Variants in NFIA observed in about 807,000 individuals in gnomAD.
NFIA encodes the protein nuclear factor I A.
In NFIA, 8 loss-of-function variants were observed where a neutral mutation model predicts 62.8. The ratio of observed to expected loss-of-function variants is 0.13; its 90% confidence interval spans 0.07 to 0.23. The LOEUF (loss-of-function observed/expected upper bound fraction) is 0.23, where lower values mean the gene tolerates loss of function less well. Among genes scored for constraint, NFIA ranks in the 10% least tolerant of loss-of-function variants. The pLI, the probability that NFIA is intolerant of heterozygous loss-of-function variation, is 1.00. For missense variants in NFIA, 410 were observed against 642.1 expected, an observed-to-expected ratio of 0.64 and a Z score of 3.91; for synonymous variants, 235 against 238.1, an observed-to-expected ratio of 0.99 and a Z score of 0.12.
chr1:61,352,588 T>A, intron 5 of NFIA, 21 bp downstream of exon 5: 6 of 1,558,992 alleles, frequency 3.8e-6, no homozygotes, highest in Non-Finnish European at 5.3e-6. Context: ...TGGCAGCTCT[T>A]GAAGAAATTA....
At chr1:61,092,913 G>A (rs557025284) in intron 2 of NFIA, among the ~76,000 whole-genome samples, 1 of 152,200 alleles carries the variant, frequency 6.6e-6, no homozygotes, top group East Asian at 1.9e-4. Context: ...GCACATCCAG[G>A]CTGCACAGAG....
At chr1:61,431,021 T>C (rs1667078394) in intron 10 of NFIA, among the ~76,000 whole-genome samples, 1 of 152,158 alleles carries the variant, frequency 6.6e-6, no homozygotes, top group Non-Finnish European at 1.5e-5. Context: ...ACAGCTGATA[T>C]TAACATATAG....
At chr1:61,292,811 A>G (rs574709093) in intron 3 of NFIA, among the ~76,000 whole-genome samples, 2 of 152,332 alleles carry the variant, frequency 1.3e-5, no homozygotes, top group South Asian at 4.1e-4. Context: ...GGAAATCTAA[A>G]GCCTATCCCA....
intron 5 of NFIA, among the ~76,000 whole-genome samples, chr1:61,354,535 A>G (rs1662727570): frequency 6.6e-6 from 1 of 152,192 alleles, no homozygotes; most frequent in African/African-American, 2.4e-5. Flanking sequence ...GTTTTCATTT[A>G]AACAGTGGAG....
At chr1:61,153,866 C>T (rs967996752) in intron 2 of NFIA, among the ~76,000 whole-genome samples, 2 of 152,164 alleles carry the variant, frequency 1.3e-5, no homozygotes. Flanking sequence ...TTAGAGAGGG[C>T]TCTACAAAAC....
chr1:61,096,833 G>A (rs1355957588), intron 2 of NFIA, among the ~76,000 whole-genome samples: 1 of 151,976 alleles, frequency 6.6e-6, no homozygotes, highest in African/African-American at 2.4e-5. Context: ...TTACAGGCGT[G>A]AGCCACCGCG....
intron 2 of NFIA, among the ~76,000 whole-genome samples, chr1:61,173,181 G>A (rs886387698): frequency 2.0e-5 from 3 of 152,144 alleles, no homozygotes; most frequent in Admixed American, 1.3e-4. Context: ...AAAGTTCACT[G>A]CTTATCTAGG....
chr1:61,443,600 G>A (rs186020452), intron 10 of NFIA, among the ~76,000 whole-genome samples: 18 of 152,316 alleles, frequency 1.2e-4, no homozygotes, highest in Middle Eastern at 6.8e-3. Flanking sequence ...ATCAGGAAAG[G>A]ACTGCTCCAG....
chr1:61,213,267 G>C (rs528742044), intron 2 of NFIA, among the ~76,000 whole-genome samples: 2 of 152,176 alleles, frequency 1.3e-5, no homozygotes, highest in East Asian at 1.9e-4. Flanking sequence ...TGACAATTGA[G>C]TATCAGTCTT....
At chr1:61,203,724 T>TA (rs996458421) in intron 2 of NFIA, among the ~76,000 whole-genome samples, 1 of 152,206 alleles carries the variant, frequency 6.6e-6, no homozygotes, top group Admixed American at 6.5e-5. Context: ...CATGTTTTCT[T>TA]AAACACTGGG....
At position 61,178,677 on chromosome 1, in the gene NFIA, A is replaced by G. The variant is rs564510463; in HGVS notation, c.559+89997A>G. On this transcript the variant is annotated intron_variant, in intron 2 of 10. Transcript: ENST00000403491. ...GCATACTCTGTGCATAATGTTTGATAACGAATTAATTGAAGTGGAATAGCA... is the reference window on the plus strand; with the variant it reads ...GCATACTCTGTGCATAATGTTTGATGACGAATTAATTGAAGTGGAATAGCA... Among the ~76,000 whole-genome samples the G allele has an allele frequency of 5.9e-5, 9 of 152,308 alleles. No homozygotes were observed. In the East Asian group the frequency reaches 1.7e-3, roughly 29 times the overall value.
intron 9 of NFIA, among the ~76,000 whole-genome samples, chr1:61,422,767 C>T (rs559560649): frequency 1.7e-4 from 25 of 145,836 alleles, no homozygotes; most frequent in African/African-American, 6.0e-4. Context: ...AAAAAAAGAG[C>T]AGTACTGATG....
intron 1 of NFIA, among the ~76,000 whole-genome samples, chr1:61,087,910 AAC>A (rs1425879085): frequency 6.6e-6 from 1 of 152,150 alleles, no homozygotes; most frequent in African/African-American, 2.4e-5. Flanking sequence ...AACATATTAA[AAC>A]AGTTTTTTAA....
intron 6 of NFIA, among the ~76,000 whole-genome samples, chr1:61,361,695 C>T (rs1243071574): frequency 1.3e-5 from 2 of 151,532 alleles, no homozygotes; most frequent in Admixed American, 6.6e-5. Context: ...ATGATTCAAA[C>T]GATCATAAAT....
intron 1 of NFIA, among the ~76,000 whole-genome samples, chr1:61,086,309 G>A (rs1170017948): frequency 1.3e-5 from 2 of 152,104 alleles, no homozygotes; most frequent in Admixed American, 6.5e-5. Context: ...TCAGAATTTA[G>A]TAACGTTTAG....
chr1:61,318,884 G>A (rs78104652), intron 3 of NFIA, among the ~76,000 whole-genome samples: 6,162 of 152,216 alleles, frequency 0.04, 413 homozygotes, highest in African/African-American at 0.14. Context: ...AGAAACTAGA[G>A]TAGTTAGCAA....
chr1:61,121,571 T>TA (rs1433529967), intron 2 of NFIA, among the ~76,000 whole-genome samples: 1 of 152,206 alleles, frequency 6.6e-6, no homozygotes, highest in Admixed American at 6.6e-5. Flanking sequence ...AAATGGTAAA[T>TA]ATACATTCAG....
At chr1:61,080,332 CT>C (rs1007506797), upstream of NFIA, among the ~76,000 whole-genome samples, 6 of 150,400 alleles carry the variant, frequency 4.0e-5, no homozygotes, top group South Asian at 4.2e-4. Flanking sequence ...TAAAAAAAAT[CT>C]TTTTTTTCCT....
chr1:61,179,369 G>A (rs1254418816), intron 2 of NFIA, among the ~76,000 whole-genome samples: 2 of 152,208 alleles, frequency 1.3e-5, no homozygotes, highest in Non-Finnish European at 2.9e-5. Context: ...GCAGTCTGGG[G>A]TATTGTTCCT....
Sources: gnomAD v4.1 joint callset for allele counts (sites outside exome capture counted in the v4.1 genomes callset) on GRCh38, gnomAD v4.1.1 for gene constraint, MANE v1.5 for transcripts, NCBI Gene and HGNC (gene_info 2026-07-23, HGNC 2026-07-21) for gene names.